Variants in SH3BGRL2 observed in about 807,000 individuals in gnomAD.
SH3BGRL2 encodes the protein SH3 domain-binding glutamic acid-rich-like protein 2.
A neutral mutation model predicts 14.8 loss-of-function variants in SH3BGRL2; 21 were observed. The observed-to-expected ratio is 1.42, with a 90% CI of 1.01 to 2.05. SH3BGRL2 has a LOEUF of 2.05. Ranked by LOEUF, SH3BGRL2 falls within the 30% of genes most tolerant of loss-of-function variation. The pLI is 0.00. For missense variants in SH3BGRL2, 147 were observed against 130.8 expected, an observed-to-expected ratio of 1.12 and a Z score of -0.61; for synonymous variants, 50 against 47.8, an observed-to-expected ratio of 1.05 and a Z score of -0.19.
At chr6:79,596,354 C>T in the SH3BGRL2 span, among the ~76,000 whole-genome samples, 2 of 151,452 alleles carry the variant, frequency 1.3e-5, no homozygotes, top group Non-Finnish European at 2.9e-5. Context: ...GAGATGGGTT[C>T]TCACTATATT....
chr6:79,572,931 CTAGT>C, the SH3BGRL2 span, among the ~76,000 whole-genome samples: 1 of 152,098 alleles, frequency 6.6e-6, no homozygotes, highest in Non-Finnish European at 1.5e-5. Context: ...AATGTCTTCT[CTAGT>C]TAGTGGTTTG....
At chr6:79,537,917 T>C in the SH3BGRL2 span, among the ~76,000 whole-genome samples, 2 of 151,094 alleles carry the variant, frequency 1.3e-5, no homozygotes, top group Non-Finnish European at 2.9e-5. Flanking sequence ...CTCGAGATCC[T>C]GGCTGTGAAT....
chr6:79,574,743 A>G, the SH3BGRL2 span: 2 of 152,198 alleles, frequency 1.3e-5, no homozygotes, highest in Non-Finnish European at 2.9e-5. Context: ...TGTAACAACA[A>G]TTTGTTGGTG....
the SH3BGRL2 span, among the ~76,000 whole-genome samples, chr6:79,592,457 A>T: frequency 6.6e-6 from 1 of 152,218 alleles, no homozygotes; most frequent in Non-Finnish European, 1.5e-5. Context: ...GCTTATATAT[A>T]GGGGATTTAG....
chr6:79,694,723 C>T (rs909575646), intron 2 of SH3BGRL2, among the ~76,000 whole-genome samples: 79 of 152,086 alleles, frequency 5.2e-4, no homozygotes, highest in African/African-American at 1.8e-3. Flanking sequence ...TTCAGAGCCA[C>T]TTTAATTCTT....
the SH3BGRL2 span, among the ~76,000 whole-genome samples, chr6:79,580,258 C>A: frequency 6.6e-6 from 1 of 152,160 alleles, no homozygotes; most frequent in African/African-American, 2.4e-5. Flanking sequence ...ACAAGGATAT[C>A]CAGGACCTGA....
chr6:79,545,298 C>G, the SH3BGRL2 span, among the ~76,000 whole-genome samples: 1 of 152,180 alleles, frequency 6.6e-6, no homozygotes, highest in South Asian at 2.1e-4. Flanking sequence ...TTCAGCTGTC[C>G]TTTTGTATCC....
At chr6:79,649,981 T>TCACACA (rs750538104) in intron 1 of SH3BGRL2, among the ~76,000 whole-genome samples, 3,140 of 91,706 alleles carry the variant, frequency 0.034, 36 homozygotes, top group Non-Finnish European at 0.047. Flanking sequence ...TCTCTCTCTC[T>TCACACA]CTCTCACACA....
At chr6:79,638,933 A>G (rs1768979259) in intron 1 of SH3BGRL2, among the ~76,000 whole-genome samples, 1 of 152,162 alleles carries the variant, frequency 6.6e-6, no homozygotes, top group Non-Finnish European at 1.5e-5. Flanking sequence ...ATTTTGACAT[A>G]TATTTATAAT....
chr6:79,590,239 AG>A, the SH3BGRL2 span, among the ~76,000 whole-genome samples: 3 of 151,874 alleles, frequency 2.0e-5, no homozygotes, highest in African/African-American at 7.3e-5. Context: ...GATTTTTCAA[AG>A]AACTTAAAAC....
chr6:79,569,378 A>C, the SH3BGRL2 span, among the ~76,000 whole-genome samples: 1 of 152,114 alleles, frequency 6.6e-6, no homozygotes, highest in Non-Finnish European at 1.5e-5. Flanking sequence ...AAGGTGCCAG[A>C]CTCTTAGTTA....
chr6:79,595,283 A>G, the SH3BGRL2 span, among the ~76,000 whole-genome samples: 2 of 151,836 alleles, frequency 1.3e-5, no homozygotes, highest in Non-Finnish European at 2.9e-5. Context: ...AGAGAGAAAC[A>G]TCGTCTTAAA....
the SH3BGRL2 span, among the ~76,000 whole-genome samples, chr6:79,624,562 C>G: frequency 1.3e-5 from 2 of 151,922 alleles, no homozygotes; most frequent in Admixed American, 1.3e-4. Context: ...TGATTTACTG[C>G]TGAATCCCCA....
Position 79,699,539 on chromosome 6 carries a change from A to T in SH3BGRL2, c.*30A>T, listed in dbSNP as rs752373567. 6.9e-7 allele frequency: 1 copy of T among 1,443,398 alleles called. No homozygotes were observed. The highest frequency in any genetic ancestry group is 9.1e-7 in the Non-Finnish European group (1 of 1,099,588). 89.4% of individuals were successfully genotyped at this position (1,443,398 alleles called of 1,614,324 possible). A position where few individuals can be genotyped will look rare whatever the true frequency, so the allele number is the denominator to read the frequency against. ...GAAGAGTGGAAGATGACGGAGATGC[A>T]TTTTGAAGCACCCCTGGTACTCAGC... is the stretch of plus-strand genomic sequence containing the variant. On this transcript the variant is annotated 3_prime_UTR_variant, in exon 4 of 4. Coordinates refer to ENST00000369838, the MANE Select transcript of SH3BGRL2 (RefSeq NM_031469.4).
intron 1 of SH3BGRL2, among the ~76,000 whole-genome samples, chr6:79,641,179 TGTGTGTGTG>T (rs1769027665): frequency 1.3e-5 from 2 of 150,606 alleles, no homozygotes; most frequent in Non-Finnish European, 2.9e-5. Flanking sequence ...TGTGTGTGTG[TGTGTGTGTG>T]TGTGTGTGGT....
At chr6:79,666,985 A>G (rs1251660109) in intron 1 of SH3BGRL2, among the ~76,000 whole-genome samples, 1 of 152,238 alleles carries the variant, frequency 6.6e-6, no homozygotes, top group African/African-American at 2.4e-5. Flanking sequence ...GAAACAATTG[A>G]GCAGGTGCCC....
intron 1 of SH3BGRL2, among the ~76,000 whole-genome samples, chr6:79,667,363 G>A (rs117554892): frequency 0.01 from 1,532 of 152,214 alleles, 20 homozygotes; most frequent in South Asian, 0.014. Flanking sequence ...ATCTGTTTAC[G>A]TATCTAGTTA....
At chr6:79,550,645 G>A in the SH3BGRL2 span, among the ~76,000 whole-genome samples, 1 of 152,176 alleles carries the variant, frequency 6.6e-6, no homozygotes, top group African/African-American at 2.4e-5. Context: ...ACTTGGTCAA[G>A]GAATCAAGGT....
the SH3BGRL2 span, among the ~76,000 whole-genome samples, chr6:79,591,503 G>C: frequency 1.3e-5 from 2 of 152,174 alleles, no homozygotes; most frequent in Non-Finnish European, 2.9e-5. Flanking sequence ...CGCCTCCTGG[G>C]TGCAAGCGAT....
Sources: gnomAD v4.1 joint callset for allele counts (sites outside exome capture counted in the v4.1 genomes callset) on GRCh38, gnomAD v4.1.1 for gene constraint, MANE v1.5 for transcripts, NCBI Gene and HGNC (gene_info 2026-07-23, HGNC 2026-07-21) for gene names.